Variants in AATF observed in about 807,000 individuals in gnomAD.
AATF encodes the protein protein AATF.
AATF carries 48 observed loss-of-function variants against 63.7 expected under a neutral mutation model. The ratio of observed to expected loss-of-function variants is 0.75; its 90% CI spans 0.60 to 0.96. AATF has a LOEUF of 0.96. Ranked by LOEUF, AATF falls within the 40% of genes least tolerant of loss-of-function variation. The pLI is 0.00. For synonymous variants in AATF, 258 were observed against 247.7 expected, an observed-to-expected ratio of 1.04 and a Z score of -0.39; for missense variants, 639 against 685.7, an observed-to-expected ratio of 0.93 and a Z score of 0.76.
At chr17:36,983,250 C>T (rs1179575067) in intron 4 of AATF, among the ~76,000 whole-genome samples, 2 of 152,106 alleles carry the variant, frequency 1.3e-5, no homozygotes, top group African/African-American at 2.4e-5. Context: ...CCTACATTGT[C>T]CGGGCTGGTC....
chr17:36,966,674 T>G lies in AATF; in HGVS notation c.832+12767T>G, dbSNP rs573568616. Among the ~76,000 whole-genome samples the G allele has an allele frequency of 3.3e-5, 5 of 152,274 alleles. No individual in the cohort carries two copies. In the South Asian group the frequency reaches 1.0e-3, roughly 32 times the overall value. On this transcript the variant is annotated intron_variant, in intron 4 of 11. Coordinates refer to ENST00000619387, the MANE Select transcript of AATF (RefSeq NM_012138.4). ...AGAGTATAGGATGTAAATTTAAAGT[T>G]TTGTTGTTGTTGTGGTAAAGTCATT... is the stretch of plus-strand genomic sequence containing the variant.
At chr17:37,022,943 A>C (rs2071484321) in intron 10 of AATF, among the ~76,000 whole-genome samples, 1 of 152,134 alleles carries the variant, frequency 6.6e-6, no homozygotes, top group Non-Finnish European at 1.5e-5. Context: ...AGCCCCCTTC[A>C]AGGATTTAAA....
intron 8 of AATF, among the ~76,000 whole-genome samples, chr17:37,013,034 A>G (rs1225018718): frequency 3.3e-5 from 5 of 152,314 alleles, no homozygotes; most frequent in African/African-American, 1.2e-4. Context: ...CTCAAATGAC[A>G]CTCTCAAGAA....
intron 7 of AATF, among the ~76,000 whole-genome samples, chr17:36,989,914 A>G (rs2071200247): frequency 6.6e-6 from 1 of 151,864 alleles, no homozygotes; most frequent in Non-Finnish European, 1.5e-5. Context: ...TCTACTCTGA[A>G]AATTTCACTC....
intron 8 of AATF, among the ~76,000 whole-genome samples, chr17:36,991,569 G>GTC (rs1381386188): frequency 6.6e-6 from 1 of 151,126 alleles, no homozygotes; most frequent in Non-Finnish European, 1.5e-5. Context: ...GTATTCCTGA[G>GTC]TCTCTTGATA....
Position 37,021,011 on chromosome 17 carries a change from T to C in AATF, c.1544T>C (p.Leu515Pro). Residue 515 changes from leucine (L) to proline (P), a missense_variant, in exon 10 of 12, where the codon CTT (leucine) becomes CCT (proline). Transcript: ENST00000619387. ...VDRKASKGRKLRFHVLSKLLS... is the reference protein window; with the variant it reads ...VDRKASKGRKPRFHVLSKLLS... ...AGGAAAGCCAGCAAAGGCAGGAAAC[T>C]TCGGTGAGTTACTTTTCGGAAAAAA... 6.2e-7 allele frequency: 1 copy of C among 1,609,960 alleles called. No individual in the cohort carries two copies. The highest frequency in any genetic ancestry group is 8.5e-7 in the Non-Finnish European group (1 of 1,177,940).
At chr17:36,980,049 G>A (rs1372600970) in intron 4 of AATF, 1 of 151,998 alleles carries the variant, frequency 6.6e-6, no homozygotes, top group Non-Finnish European at 1.5e-5. Flanking sequence ...TATTTTTACA[G>A]CATTAAAAAA....
At chr17:36,969,678 A>G (rs1030079337) in intron 4 of AATF, among the ~76,000 whole-genome samples, 3 of 152,240 alleles carry the variant, frequency 2.0e-5, no homozygotes, top group South Asian at 2.1e-4. Context: ...TATAATTGAC[A>G]TAATAAATTG....
At chr17:37,029,566 T>G (rs892122758) in intron 10 of AATF, among the ~76,000 whole-genome samples, 1 of 151,028 alleles carries the variant, frequency 6.6e-6, no homozygotes, top group Admixed American at 6.6e-5. Flanking sequence ...TACTTTTTGG[T>G]TTTTGTTTGT....
At chr17:36,984,666 C>T (rs867346930) in intron 4 of AATF, among the ~76,000 whole-genome samples, 26 of 152,114 alleles carry the variant, frequency 1.7e-4, no homozygotes, top group African/African-American at 5.3e-4. Context: ...GACAGCGTCT[C>T]GCTCTGTTGC....
rs1346487961 is a variant in AATF at position 37,012,001 on chromosome 17, A to AT, written c.1399-6998dup. Among the ~76,000 whole-genome samples, 4 of 151,956 alleles carry AT rather than the reference A, an allele frequency of 2.6e-5. No individual in the cohort carries two copies. The East Asian group carries it at 7.7e-4, about 29-fold the overall frequency. On this transcript the variant is annotated intron_variant, in intron 8 of 11. Coordinates refer to ENST00000619387, the MANE Select transcript of AATF (RefSeq NM_012138.4). ...TTTGAAATTATAGTATATGCAATTT[A>AT]TTTTTTGTATGCCTCAAATATGGTA...
chr17:37,021,144 A>G (rs948782288), intron 10 of AATF, 130 bp downstream of exon 10: 1 of 656,548 alleles, frequency 1.5e-6, no homozygotes, highest in African/African-American at 1.9e-5. Flanking sequence ...AATAAACAAT[A>G]TTTGAAGGTT....
Position 36,989,557 on chromosome 17 carries a change from C to CT in AATF, c.1314+148dup, listed in dbSNP as rs1169967620. 2.2e-5 allele frequency: 18 copies of CT among 817,398 alleles called. No individual in the cohort carries two copies. In the African/African-American group the frequency reaches 2.9e-4, roughly 13 times the overall value. The allele number at this position is 817,398 out of a possible 1,614,324, so 50.6% of individuals were successfully genotyped here. ...TACTTTACTGGATTACTGAGAGAAA[C>CT]TTGAGTGTATGTGAGAGGAGAGAGT... On this transcript the variant is annotated intron_variant, in intron 7 of 11. Transcript: ENST00000619387.
chr17:36,987,480 AT>A (rs1317513286), intron 5 of AATF, among the ~76,000 whole-genome samples: 3 of 152,176 alleles, frequency 2.0e-5, no homozygotes, highest in East Asian at 3.9e-4. Flanking sequence ...TTTGATGAAG[AT>A]TTTTCCCCCT....
chr17:37,047,848 G>A (rs775295461), intron 11 of AATF, among the ~76,000 whole-genome samples: 8 of 152,132 alleles, frequency 5.3e-5, no homozygotes, highest in Non-Finnish European at 8.8e-5. Flanking sequence ...TGGCAGATTC[G>A]GGCGGCTGCG....
At position 37,001,357 on chromosome 17, in the gene AATF, A is replaced by G. The variant is rs190076773; in HGVS notation, c.1398+10500A>G. Among the ~76,000 whole-genome samples the G allele has an allele frequency of 2.5e-3, 355 of 141,762 alleles. 7 individuals carry two copies. The highest frequency in any genetic ancestry group is 0.024 in the Admixed American group (337 of 13,950). The allele number at this position is 141,762 out of a possible 152,430, so 93.0% of individuals were successfully genotyped here. A position where few individuals can be genotyped will look rare whatever the true frequency, so the allele number is the denominator to read the frequency against. On this transcript the variant is annotated intron_variant, in intron 8 of 11. Transcript: ENST00000619387. ...GAAAGGAGAGAGGGAGGGAGGAAGG[A>G]GAAAGAGAGAGAGGGGAGAGAGAGA...
At chr17:36,989,465 T>C in intron 7 of AATF, 54 bp downstream of exon 7, 4 of 1,498,024 alleles carry the variant, frequency 2.7e-6, no homozygotes, top group East Asian at 2.3e-5. Context: ...ATGAGGCTTA[T>C]TAGCTGAAAA....
At position 37,031,601 on chromosome 17, in the gene AATF, C is replaced by G. The variant is rs745697150; in HGVS notation, c.1548-13C>G. Reference sequence around the variant, plus strand: ...TACTAATGTTGCTGCCTGTTGCTTCCTGCTTTATTTAGGTTTCATGTCCTT... The same window carrying G: ...TACTAATGTTGCTGCCTGTTGCTTCGTGCTTTATTTAGGTTTCATGTCCTT... On this transcript the variant is annotated splice_polypyrimidine_tract_variant and intron_variant, in intron 10 of 11. Coordinates refer to ENST00000619387, the MANE Select transcript of AATF (RefSeq NM_012138.4). 4 of 1,612,764 alleles carry G rather than the reference C, an allele frequency of 2.5e-6. No homozygotes were observed. Among genetic ancestry groups the G allele is most frequent in the Non-Finnish European group, 3.4e-6 (4 of 1,178,772 alleles).
intron 8 of AATF, among the ~76,000 whole-genome samples, chr17:37,001,431 GGAAGGAAGGAAGGAAGGAAGGAAGA>G (rs1203235656): frequency 9.1e-5 from 11 of 121,134 alleles, no homozygotes; most frequent in Non-Finnish European, 1.5e-4. Flanking sequence ...AAGGAAGGAA[GGAAGGAAGGAAGGAAGGAAGGAAGA>G]AAAAAAAAAA....
Sources: allele counts gnomAD v4.1 joint callset (sites outside exome capture counted in the v4.1 genomes callset), GRCh38; gene constraint gnomAD v4.1.1; transcripts MANE v1.5; gene names NCBI Gene and HGNC (gene_info 2026-07-23, HGNC 2026-07-21).